The following TMEM53 variants were observed in gnomAD, a reference collection of about 807,000 sequenced individuals.
TMEM53 encodes novel DUF829 domain-containing protein.
A neutral mutation model predicts 21.4 loss-of-function variants in TMEM53; 14 were observed. That is an observed-to-expected ratio of 0.65 (90% CI 0.43 to 1.02). The LOEUF is 1.02. TMEM53 is among the 50% of genes least tolerant of loss of function. TMEM53 has a pLI of 0.00. For missense variants in TMEM53, 323 were observed against 383.6 expected, an observed-to-expected ratio of 0.84 and a Z score of 1.32; for synonymous variants, 148 against 157.4, an observed-to-expected ratio of 0.94 and a Z score of 0.45.
chr1:44,670,794 GC>G (rs1341108028), intron 1 of TMEM53, among the ~76,000 whole-genome samples: 2 of 152,170 alleles, frequency 1.3e-5, no homozygotes, highest in African/African-American at 2.4e-5. Context: ...CCATGACCAG[GC>G]CCCAGACTCA....
intron 2 of TMEM53, among the ~76,000 whole-genome samples, chr1:44,657,894 T>C (rs78462020): frequency 1.1e-4 from 17 of 151,384 alleles, no homozygotes; most frequent in Admixed American, 3.3e-4. Context: ...TTTTTTTTTT[T>C]CTCTACATTC....
intron 1 of TMEM53, among the ~76,000 whole-genome samples, chr1:44,661,737 C>A (rs1644904060): frequency 1.3e-5 from 2 of 152,108 alleles, no homozygotes; most frequent in Non-Finnish European, 2.9e-5. Flanking sequence ...GGGAATCTGG[C>A]CCCTGCTCCC....
In TMEM53 at chr1:44,653,364, A is replaced by C. The variant is rs1269167206; in HGVS notation, c.*1195T>G. On this transcript the variant is annotated 3_prime_UTR_variant, in exon 3 of 3. Transcript: ENST00000372237. ...CTGAATTCACCTCTTCTGCCTAGAG[A>C]GTATCTAAGTGGGTCTCCCTTCCAG... The C allele has an allele frequency of 2.0e-5, 3 of 152,214 alleles. No homozygotes were observed. Among genetic ancestry groups the C allele is most frequent in the African/African-American group, 7.2e-5 (3 of 41,438 alleles). 9.4% of individuals were successfully genotyped at this position (152,214 alleles called of 1,614,324 possible).
At chr1:44,660,812 A>C (rs999129576) in intron 1 of TMEM53, among the ~76,000 whole-genome samples, 2 of 148,008 alleles carry the variant, frequency 1.4e-5, no homozygotes, top group Non-Finnish European at 3.0e-5. Flanking sequence ...AAAAAATACA[A>C]AAAAAAAAAA....
intron 1 of TMEM53, among the ~76,000 whole-genome samples, chr1:44,670,328 C>T (rs1187516342): frequency 6.6e-6 from 1 of 152,176 alleles, no homozygotes; most frequent in African/African-American, 2.4e-5. Flanking sequence ...GGCCTCCTGC[C>T]AGGCCCCTGT....
Position 44,654,523 on chromosome 1 carries a change from T to G in TMEM53, c.*36A>C. On this transcript the variant is annotated 3_prime_UTR_variant, in exon 3 of 3. Coordinates refer to ENST00000372237, the MANE Select transcript of TMEM53 (RefSeq NM_024587.4). This position sits in a 1 kb window ranked among gnomAD's most constrained non-coding sequence, Gnocchi z 7.0. Reference sequence around the variant, plus strand: ...CAGGTTGTGGGGAGGTGTCAGGCATTTATTTCTGGAGCAGAGGTGAGATGG... The same window carrying G: ...CAGGTTGTGGGGAGGTGTCAGGCATGTATTTCTGGAGCAGAGGTGAGATGG... The G allele has an allele frequency of 6.3e-7, 1 of 1,579,998 alleles. No individual in the cohort carries two copies. Among genetic ancestry groups the G allele is most frequent in the Middle Eastern group, 1.7e-4 (1 of 5,926 alleles).
In TMEM53 at chr1:44,654,709, T is replaced by C; in HGVS notation, c.684A>G (p.Ile228Met). The C allele has an allele frequency of 6.2e-7, 1 of 1,614,144 alleles. No individual in the cohort carries two copies. The highest frequency in any genetic ancestry group is 2.2e-5 in the East Asian group (1 of 44,884). Reference sequence around the variant, plus strand: ...CCAGGCGTGCCTCCACCATGCGTTCTATGTCTCTGGCCAGGACTACTTCGT... The same window carrying C: ...CCAGGCGTGCCTCCACCATGCGTTCCATGTCTCTGGCCAGGACTACTTCGT... The part of the protein sequence containing the change: ...RADEVVLARD[I>M]ERMVEARLAR... The change falls in exon 3 of 3, where the codon ATA (isoleucine) becomes ATG (methionine). Residue 228 changes from isoleucine (I) to methionine (M), a missense_variant. This residue lies in a region of TMEM53 where 269 missense variants were observed against 334.5 expected (regional missense o/e 0.80). Coordinates refer to ENST00000372237, the MANE Select transcript of TMEM53 (RefSeq NM_024587.4). The surrounding 1 kb of genome is among the most constrained non-coding windows in gnomAD (Gnocchi z 7.0).
rs1411408863 is a variant in TMEM53 at position 44,665,550 on chromosome 1, A to C, written c.62-5255T>G. Among the ~76,000 whole-genome samples the C allele has an allele frequency of 2.0e-5, 3 of 151,566 alleles. No individual in the cohort carries two copies. The East Asian group carries it at 5.8e-4, about 29-fold the overall frequency. On this transcript the variant is annotated intron_variant, in intron 1 of 2. Transcript: ENST00000372237. ...ACTTGGGAGGCTGAGGCAGAGAATC[A>C]CTTGAACCCAGGAGGCGGAGGTTGC... is the stretch of plus-strand genomic sequence containing the variant.
At chr1:44,672,436 C>A (rs548899587) in intron 1 of TMEM53, among the ~76,000 whole-genome samples, 10 of 152,340 alleles carry the variant, frequency 6.6e-5, no homozygotes, top group South Asian at 6.2e-4. Context: ...GCGTGTGAGT[C>A]ACTTCTGAGT....
Position 44,654,953 on chromosome 1 carries a change from C to T in TMEM53, c.440G>A (p.Gly147Asp). 6.2e-7 allele frequency: 1 copy of T among 1,613,824 alleles called. No homozygotes were observed. The highest frequency in any genetic ancestry group is 8.5e-7 in the Non-Finnish European group (1 of 1,179,922). The part of the protein sequence containing the change: ...VVGTIFDSAP[G>D]DSNLVGALRA... ...CAGAGCCCCTACCAGGTTGCTGTCA[C>T]CAGGAGCGCTGTCAAAGATGGTGCC... The change falls in exon 3 of 3, where the codon GGT becomes GAT. Residue 147 changes from glycine (G) to aspartate (D), a missense_variant. This residue lies in a region of TMEM53 where 269 missense variants were observed against 334.5 expected (regional missense o/e 0.80). Transcript: ENST00000372237. This position sits in a 1 kb window ranked among gnomAD's most constrained non-coding sequence, Gnocchi z 7.0.
intron 1 of TMEM53, among the ~76,000 whole-genome samples, chr1:44,668,863 T>C (rs529456290): frequency 6.6e-6 from 1 of 152,332 alleles, no homozygotes; most frequent in Non-Finnish European, 1.5e-5. Flanking sequence ...ATTTTTTATT[T>C]ACTTTTTAAA....
intron 1 of TMEM53, among the ~76,000 whole-genome samples, chr1:44,660,565 C>CT (rs1301009194): frequency 6.6e-6 from 1 of 152,224 alleles, no homozygotes; most frequent in East Asian, 1.9e-4. Flanking sequence ...AAGTAAATAC[C>CT]TTGTCCACGC....
In TMEM53 at chr1:44,655,032, G is replaced by A. The variant is rs769177351; in HGVS notation, c.361C>T (p.Arg121Cys). 2.8e-5 allele frequency: 45 copies of A among 1,614,046 alleles called. No individual in the cohort carries two copies. The highest frequency in any genetic ancestry group is 2.6e-4 in the South Asian group (24 of 91,076). ...GTCTGCAGGAGCTCCAGCACGTAGC[G>A]GTACAGCATGACGCCACCGTTGCTG... Reference protein sequence around the residue: ...VFSNGGVMLYRYVLELLQTRR... With the variant: ...VFSNGGVMLYCYVLELLQTRR... The change falls in exon 3 of 3, where the codon CGC becomes TGC. Residue 121 changes from arginine (R) to cysteine (C), a missense_variant. Transcript: ENST00000372237. The surrounding 1 kb of genome is among the most constrained non-coding windows in gnomAD (Gnocchi z 4.4).
At chr1:44,668,409 C>T (rs924373855) in intron 1 of TMEM53, among the ~76,000 whole-genome samples, 8 of 151,584 alleles carry the variant, frequency 5.3e-5, no homozygotes, top group South Asian at 4.2e-4. Flanking sequence ...GGCGACAGAA[C>T]GATATTCTGT....
At chr1:44,658,936 G>A (rs1018723053) in intron 2 of TMEM53, among the ~76,000 whole-genome samples, 9 of 152,102 alleles carry the variant, frequency 5.9e-5, no homozygotes, top group South Asian at 2.1e-4. Flanking sequence ...ACCTCTTGCC[G>A]GGTACCTGTC....
At chr1:44,663,536 G>A (rs559200653) in intron 1 of TMEM53, among the ~76,000 whole-genome samples, 1 of 152,286 alleles carries the variant, frequency 6.6e-6, no homozygotes, top group South Asian at 2.1e-4. Context: ...CACCGCACCT[G>A]GCCAAAAGTC....
At chr1:44,664,452 C>CAAA (rs57700500) in intron 1 of TMEM53, among the ~76,000 whole-genome samples, 5 of 117,822 alleles carry the variant, frequency 4.2e-5, no homozygotes, top group East Asian at 5.7e-4. Context: ...AACTCCATCT[C>CAAA]AAAAAAAAAA....
At chr1:44,665,728 T>C (rs1455623341) in intron 1 of TMEM53, among the ~76,000 whole-genome samples, 1 of 151,658 alleles carries the variant, frequency 6.6e-6, no homozygotes, top group Non-Finnish European at 1.5e-5. Context: ...CAATAATACA[T>C]TAAGCAGATC....
At chr1:44,659,355 G>A (rs1356799859) in intron 2 of TMEM53, among the ~76,000 whole-genome samples, 1 of 152,218 alleles carries the variant, frequency 6.6e-6, no homozygotes, top group African/African-American at 2.4e-5. Flanking sequence ...CTGTTTGGGG[G>A]AGAGATCTGG....
Sources: allele counts gnomAD v4.1 joint callset (sites outside exome capture counted in the v4.1 genomes callset), GRCh38; gene constraint gnomAD v4.1.1; regional missense constraint gnomAD v4.1.1; non-coding constraint Gnocchi (gnomAD v3.1); transcripts MANE v1.5; gene names NCBI Gene and HGNC (gene_info 2026-07-23, HGNC 2026-07-21).